Variants in FOXP2 observed in about 807,000 individuals in gnomAD.
FOXP2 encodes the protein forkhead box P2.
A neutral mutation model predicts 115.8 loss-of-function variants in FOXP2; 12 were observed. The observed-to-expected ratio is 0.10, with a 90% confidence interval of 0.07 to 0.17. FOXP2 has a LOEUF of 0.17. Among genes scored for constraint, FOXP2 ranks in the 10% least tolerant of loss-of-function variants. The probability of loss-of-function intolerance (pLI) is 1.00; values close to 1 mark genes in which losing one functional copy is unlikely to be tolerated. For missense variants in FOXP2, 629 were observed against 843.5 expected (o/e 0.75, Z 3.15); for synonymous variants, 328 against 297.7 (o/e 1.10, Z -1.05).
At chr7:114,507,548 T>G (rs1797881965) in intron 2 of FOXP2, among the ~76,000 whole-genome samples, 2 of 151,970 alleles carry the variant, frequency 1.3e-5, no homozygotes, top group African/African-American at 4.8e-5. Flanking sequence ...ATTAATTTTT[T>G]CGCAAAAAAA....
At chr7:114,572,135 G>A (rs748909408) in intron 3 of FOXP2, among the ~76,000 whole-genome samples, 2 of 151,540 alleles carry the variant, frequency 1.3e-5, no homozygotes, top group Non-Finnish European at 3.0e-5. Context: ...ATTAATGAAA[G>A]GATATTTATG....
intron 2 of FOXP2, among the ~76,000 whole-genome samples, chr7:114,402,509 A>G (rs1792910036): frequency 1.3e-5 from 2 of 152,178 alleles, no homozygotes; most frequent in African/African-American, 2.4e-5. Context: ...GTAAACAAAT[A>G]TTTGTTGAGG....
chr7:114,631,193 C>A, intron 5 of FOXP2: 2 of 321,940 alleles, frequency 6.2e-6, no homozygotes, highest in Non-Finnish European at 1.2e-5. Context: ...TAGAAGTTGA[C>A]TATTTCTGTA....
At chr7:114,299,538 C>G (rs1012330595) in intron 2 of FOXP2, among the ~76,000 whole-genome samples, 1 of 151,488 alleles carries the variant, frequency 6.6e-6, no homozygotes, top group African/African-American at 2.4e-5. Flanking sequence ...AGTAACTTCT[C>G]TAAGGTTATA....
At chr7:114,622,244 GA>G (rs375161344) in intron 3 of FOXP2, among the ~76,000 whole-genome samples, 1,519 of 151,656 alleles carry the variant, frequency 0.01, 20 homozygotes, top group African/African-American at 0.035. Context: ...ATTTTCAGGA[GA>G]AAAAAAATTC....
At chr7:114,196,094 C>T (rs1793897507) in intron 1 of FOXP2, among the ~76,000 whole-genome samples, 1 of 152,006 alleles carries the variant, frequency 6.6e-6, no homozygotes, top group African/African-American at 2.4e-5. Context: ...CTCACTGTAC[C>T]CTCTGCCTCC....
intron 1 of FOXP2, among the ~76,000 whole-genome samples, chr7:114,246,860 T>G (rs1795297679): frequency 6.6e-6 from 1 of 152,146 alleles, no homozygotes; most frequent in Admixed American, 6.5e-5. Context: ...AAATGTGCAG[T>G]GGACTGTTAA....
chr7:114,338,939 C>G (rs1562877389), intron 2 of FOXP2, among the ~76,000 whole-genome samples: 2 of 150,896 alleles, frequency 1.3e-5, no homozygotes, highest in South Asian at 4.1e-4. Context: ...TTAAAACTAC[C>G]AAAACAGATC....
chr7:114,095,213 A>G (rs919347590), intron 1 of FOXP2, among the ~76,000 whole-genome samples: 3 of 152,178 alleles, frequency 2.0e-5, no homozygotes, highest in Non-Finnish European at 4.4e-5. Flanking sequence ...ATATTGGGTG[A>G]GTCATTTCCT....
chr7:114,642,798 ATATATATATATATAT>A (rs2129333295), intron 7 of FOXP2, among the ~76,000 whole-genome samples, 175 bp downstream of exon 7: 1 of 37,994 alleles, frequency 2.6e-5, no homozygotes, highest in African/African-American at 7.5e-5. Context: ...ATATATATAT[ATATATATATATATAT>A]TTTTTTTTTT....
chr7:114,347,314 G>A (rs892383653), intron 2 of FOXP2, among the ~76,000 whole-genome samples: 9 of 151,732 alleles, frequency 5.9e-5, no homozygotes, highest in African/African-American at 1.7e-4. Flanking sequence ...TATACAATAC[G>A]CACACATATA....
At chr7:114,341,778 C>T (rs998842109) in intron 2 of FOXP2, among the ~76,000 whole-genome samples, 4 of 151,412 alleles carry the variant, frequency 2.6e-5, no homozygotes, top group South Asian at 2.1e-4. Flanking sequence ...GGAATCTTTT[C>T]CCCTTCTTCA....
At position 114,270,057 on chromosome 7, in the gene FOXP2, GA is replaced by G. The variant is rs1286961395; in HGVS notation, c.-101-17957del. Among the ~76,000 whole-genome samples, 5 of 152,184 alleles carry G rather than the reference GA, an allele frequency of 3.3e-5. No individual in the cohort carries two copies. The East Asian group carries it at 9.6e-4, about 29-fold the overall frequency. On this transcript the variant is annotated intron_variant, in intron 1 of 17. Transcript: ENST00000634411. ...TAGAAAACAAATAAGAAATCAAAAA[GA>G]AAAATGTTGATCAGTCAGAATGCAA... is the stretch of plus-strand genomic sequence containing the variant.
intron 3 of FOXP2, among the ~76,000 whole-genome samples, chr7:114,540,175 C>T (rs1331858847): frequency 1.3e-5 from 2 of 151,742 alleles, no homozygotes; most frequent in Non-Finnish European, 2.9e-5. Flanking sequence ...TGAAGTATGC[C>T]CTTGTTGTAA....
At chr7:114,629,595 T>A (rs1804778524) in intron 4 of FOXP2, 2 of 1,550,002 alleles carry the variant, frequency 1.3e-6, no homozygotes, top group East Asian at 4.7e-5. Flanking sequence ...TGTTTAGGAT[T>A]TTTTGGATTC....
At chr7:114,492,775 G>T (rs959109594) in intron 2 of FOXP2, among the ~76,000 whole-genome samples, 5 of 152,160 alleles carry the variant, frequency 3.3e-5, no homozygotes, top group Non-Finnish European at 7.3e-5. Flanking sequence ...TGGTCTGAGA[G>T]ACAGTTTGTT....
At chr7:114,417,577 A>G in intron 1 of FOXP2, among the ~76,000 whole-genome samples, 1 of 151,960 alleles carries the variant, frequency 6.6e-6, no homozygotes, top group East Asian at 1.9e-4. Flanking sequence ...TCATTTGCAT[A>G]TGCTTAAAGC....
chr7:114,543,150 A>T (rs1471606634), intron 3 of FOXP2, among the ~76,000 whole-genome samples: 3 of 152,146 alleles, frequency 2.0e-5, no homozygotes, highest in African/African-American at 7.2e-5. Context: ...CAAGAATCTA[A>T]CATGATTTTA....
intron 1 of FOXP2, among the ~76,000 whole-genome samples, chr7:114,211,168 G>T (rs1362888416): frequency 6.6e-6 from 1 of 152,196 alleles, no homozygotes; most frequent in Non-Finnish European, 1.5e-5. Context: ...GAACAACGCT[G>T]CTTGGCTCCC....
Sources: allele counts gnomAD v4.1 joint callset (sites outside exome capture counted in the v4.1 genomes callset), GRCh38; gene constraint gnomAD v4.1.1; transcripts MANE v1.5; gene names NCBI Gene and HGNC (gene_info 2026-07-23, HGNC 2026-07-21).